The following ABCG1 variants were observed in gnomAD, a reference collection of about 807,000 sequenced individuals.
The protein encoded by ABCG1 is ATP-binding cassette sub-family G member 1.
Under a neutral mutation model 69.2 loss-of-function variants are expected in ABCG1, and 29 were observed. The observed-to-expected ratio is 0.42, with a 90% confidence interval of 0.31 to 0.57. The LOEUF is 0.57. Among genes scored for constraint, ABCG1 ranks in the 20% least tolerant of loss-of-function variants. The pLI is 0.15. For missense variants in ABCG1, 718 were observed against 898.1 expected (o/e 0.80, Z 2.56); for synonymous variants, 370 against 374.8 (o/e 0.99, Z 0.15).
At chr21:42,214,753 G>T (rs978135825), upstream of ABCG1, among the ~76,000 whole-genome samples, 1 of 152,158 alleles carries the variant, frequency 6.6e-6, no homozygotes, top group African/African-American at 2.4e-5. Context: ...AGAGATCTGG[G>T]TTGTGAAAAG....
chr21:42,238,102 C>T (rs2068002639), intron 2 of ABCG1, among the ~76,000 whole-genome samples: 1 of 152,152 alleles, frequency 6.6e-6, no homozygotes, highest in African/African-American at 2.4e-5. Flanking sequence ...TTTCGTGTTC[C>T]TGGTTTCATG....
At chr21:42,234,821 G>A (rs2067953639) in intron 2 of ABCG1, among the ~76,000 whole-genome samples, 1 of 151,394 alleles carries the variant, frequency 6.6e-6, no homozygotes, top group Admixed American at 6.6e-5. Flanking sequence ...CGCAGGTGCG[G>A]GCGGGGCGGG....
chr21:42,275,799 A>G (rs2068699390), intron 4 of ABCG1, among the ~76,000 whole-genome samples: 2 of 152,258 alleles, frequency 1.3e-5, no homozygotes, highest in African/African-American at 4.8e-5. Context: ...GTTACCACTC[A>G]AGGTCCTGTC....
At chr21:42,229,042 C>T (rs2067862133) in intron 2 of ABCG1, among the ~76,000 whole-genome samples, 1 of 152,218 alleles carries the variant, frequency 6.6e-6, no homozygotes, top group African/African-American at 2.4e-5. Flanking sequence ...CCAAGTCGGC[C>T]TCTTTTGCCC....
At chr21:42,286,293 A>G (rs1414486633) in intron 8 of ABCG1, among the ~76,000 whole-genome samples, 1 of 152,172 alleles carries the variant, frequency 6.6e-6, no homozygotes, top group African/African-American at 2.4e-5. Flanking sequence ...AGGATGATTC[A>G]TCTCAAGATC....
chr21:42,207,244 C>T (rs1464488285), intron 2 of ABCG1, among the ~76,000 whole-genome samples: 1 of 152,100 alleles, frequency 6.6e-6, no homozygotes, highest in Non-Finnish European at 1.5e-5. Context: ...CCTACAGGCC[C>T]CTCAAGTTGT....
upstream of ABCG1, among the ~76,000 whole-genome samples, chr21:42,211,859 A>T (rs2067592927): frequency 1.3e-5 from 2 of 152,186 alleles, no homozygotes; most frequent in South Asian, 4.1e-4. Context: ...ACTGCACTCC[A>T]GCCTGGGTGA....
Position 42,219,989 on chromosome 21 carries a change from C to G in ABCG1, c.42+685C>G. Reference sequence around the variant, plus strand: ...GGACAGGGATGCGCATTTCACTTCCCCGAGCTCCGGAGAGGGATGGCGGGG... The same window carrying G: ...GGACAGGGATGCGCATTTCACTTCCGCGAGCTCCGGAGAGGGATGGCGGGG... On this transcript the variant is annotated intron_variant, in intron 1 of 14. Transcript: ENST00000398449. The surrounding 1 kb of genome is among the most constrained non-coding windows in gnomAD (Gnocchi z 5.3). The G allele has an allele frequency of 2.6e-6, 4 of 1,553,208 alleles. No homozygotes were observed. Among genetic ancestry groups the G allele is most frequent in the Non-Finnish European group, 2.6e-6 (3 of 1,147,746 alleles).
intron 2 of ABCG1, chr21:42,259,347 G>A (rs1403469608): frequency 3.2e-6 from 5 of 1,550,164 alleles, no homozygotes; most frequent in East Asian, 2.4e-5. Flanking sequence ...GGCAGCTTTA[G>A]CTTCTGCTAA....
intron 4 of ABCG1, among the ~76,000 whole-genome samples, chr21:42,275,764 G>A (rs1367315679): frequency 6.6e-6 from 1 of 152,254 alleles, no homozygotes; most frequent in Non-Finnish European, 1.5e-5. Flanking sequence ...AGGCCCTGGA[G>A]AAATACTCTG....
intron 2 of ABCG1, chr21:42,260,093 A>G (rs896958530): frequency 6.4e-7 from 1 of 1,550,490 alleles, no homozygotes; most frequent in Admixed American, 2.0e-5. Context: ...CTCATGGGGC[A>G]GGAAGGGCCT....
chr21:42,229,535 T>C (rs2067870088), intron 2 of ABCG1, among the ~76,000 whole-genome samples: 1 of 151,754 alleles, frequency 6.6e-6, no homozygotes, highest in African/African-American at 2.4e-5. Flanking sequence ...CTGGCCAACA[T>C]AGTGAAACCC....
intron 13 of ABCG1, among the ~76,000 whole-genome samples, chr21:42,292,327 G>C (rs1025286821): frequency 6.6e-6 from 1 of 152,064 alleles, no homozygotes; most frequent in Admixed American, 6.5e-5. Context: ...GGGCCCAGGT[G>C]CCCTCACCTT....
chr21:42,234,751 C>A (rs1051548810), intron 2 of ABCG1, among the ~76,000 whole-genome samples: 2 of 152,162 alleles, frequency 1.3e-5, no homozygotes. Context: ...GGGTGACGTT[C>A]GCGCTCTTGC....
intron 4 of ABCG1, among the ~76,000 whole-genome samples, chr21:42,274,054 C>T (rs758922905): frequency 2.0e-5 from 3 of 152,258 alleles, no homozygotes; most frequent in Non-Finnish European, 4.4e-5. Context: ...GATGGCCACA[C>T]GTGGCCAGGG....
upstream of ABCG1, among the ~76,000 whole-genome samples, chr21:42,211,498 C>A (rs764453189): frequency 1.3e-5 from 2 of 152,076 alleles, no homozygotes; most frequent in Non-Finnish European, 2.9e-5. Flanking sequence ...TCTTTCCTTC[C>A]TTACTTTCTC....
chr21:42,277,873 G>A (rs1469033604), intron 5 of ABCG1, among the ~76,000 whole-genome samples: 1 of 152,080 alleles, frequency 6.6e-6, no homozygotes, highest in Non-Finnish European at 1.5e-5. Context: ...CCCCCTCTCC[G>A]GTCATCTGTA....
At chr21:42,218,749 A>G (rs1475952459), upstream of ABCG1, among the ~76,000 whole-genome samples, 1 of 152,136 alleles carries the variant, frequency 6.6e-6, no homozygotes, top group Non-Finnish European at 1.5e-5. Context: ...GCAGCAAGAA[A>G]GAAGCCCCCT....
At chr21:42,274,621 C>T (rs540301795) in intron 4 of ABCG1, among the ~76,000 whole-genome samples, 2 of 152,120 alleles carry the variant, frequency 1.3e-5, no homozygotes, top group East Asian at 1.9e-4. Context: ...ACTACAGGCG[C>T]CCACCACCAT....
Sources: allele counts gnomAD v4.1 joint callset (sites outside exome capture counted in the v4.1 genomes callset), GRCh38; gene constraint gnomAD v4.1.1; non-coding constraint Gnocchi (gnomAD v3.1); transcripts MANE v1.5; gene names NCBI Gene and HGNC (gene_info 2026-07-23, HGNC 2026-07-21).